The following ESR1 variants were observed in gnomAD, a reference collection of about 807,000 sequenced individuals.
The protein encoded by ESR1 is estrogen receptor 1.
A neutral mutation model predicts 52.7 loss-of-function variants in ESR1; 12 were observed. That is an observed-to-expected ratio of 0.23 (90% confidence interval 0.15 to 0.37). ESR1 has a LOEUF of 0.37. ESR1 is among the 10% of genes least tolerant of loss of function. ESR1 has a pLI of 1.00. For synonymous variants in ESR1, 305 were observed against 316.8 expected (o/e 0.96, Z 0.39); for missense variants, 584 against 779.7 (o/e 0.75, Z 2.99).
intron 1 of ESR1, among the ~76,000 whole-genome samples, chr6:151,669,147 G>GGAGAGAGAGAGAGAGAGAGGGAGAGGAGA (rs1777934531): frequency 1.4e-5 from 1 of 69,272 alleles, no homozygotes; most frequent in African/African-American, 8.4e-5. Flanking sequence ...TTGGGAGCTG[G>GGAGAGAGAGAGAGAGAGAGGGAGAGGAGA]GAGAGAGAGA....
At chr6:151,998,287 A>G (rs1281224640) in intron 4 of ESR1, among the ~76,000 whole-genome samples, 1 of 152,168 alleles carries the variant, frequency 6.6e-6, no homozygotes, top group Admixed American at 6.5e-5. Context: ...CAATTTACAC[A>G]TAGCCTCAAA....
In ESR1 at chr6:151,824,008, A is replaced by G. The variant is rs569363300; in HGVS notation, c.452+15644A>G. Among the ~76,000 whole-genome samples the G allele has an allele frequency of 2.6e-5, 4 of 152,212 alleles. No homozygotes were observed. The East Asian group carries it at 5.8e-4, about 22-fold the overall frequency. ...ACCCAGTAATGGGATGGCTGGGTCAAATGGTATTTCTAGTTCTAGATCCCT... is the reference window on the plus strand; with the variant it reads ...ACCCAGTAATGGGATGGCTGGGTCAGATGGTATTTCTAGTTCTAGATCCCT... On this transcript the variant is annotated intron_variant, in intron 1 of 7. Transcript: ENST00000206249.
At chr6:151,922,900 T>A (rs1368002126) in intron 3 of ESR1, among the ~76,000 whole-genome samples, 1 of 152,222 alleles carries the variant, frequency 6.6e-6, no homozygotes, top group Non-Finnish European at 1.5e-5. Context: ...CCTGAGTACC[T>A]ACTGATGTCT....
chr6:151,921,947 T>C (rs1263342886), intron 3 of ESR1, among the ~76,000 whole-genome samples: 1 of 152,212 alleles, frequency 6.6e-6, no homozygotes, highest in African/African-American at 2.4e-5. Context: ...TTTAATTAGA[T>C]CCCATTTGTC....
At chr6:151,703,980 A>G (rs940593016) in intron 2 of ESR1, among the ~76,000 whole-genome samples, 1 of 152,180 alleles carries the variant, frequency 6.6e-6, no homozygotes, top group African/African-American at 2.4e-5. Flanking sequence ...CACCAGAATA[A>G]TTCTCCTCCA....
Position 151,827,373 on chromosome 6 carries a change from G to GA in ESR1, c.453-15215dup, listed in dbSNP as rs917894160. ...AAAAAAAAAAAAGAAAAAGAAAAAA[G>GA]AAAAAAAAAGAAGTTGGAGGTGAGT... On this transcript the variant is annotated intron_variant, in intron 1 of 7. Transcript: ENST00000206249. Among the ~76,000 whole-genome samples, 13 of 148,218 alleles carry GA rather than the reference G, an allele frequency of 8.8e-5. No homozygotes were observed. The East Asian group carries it at 1.8e-3, about 20-fold the overall frequency.
intron 1 of ESR1, among the ~76,000 whole-genome samples, chr6:151,668,219 G>C (rs1057295681): frequency 2.6e-5 from 4 of 152,182 alleles, no homozygotes; most frequent in African/African-American, 9.7e-5. Flanking sequence ...TGCCTCCAGA[G>C]GACAGGAACA....
chr6:152,060,929 T>C, intron 5 of ESR1, 62 bp from the exon 6 acceptor site: 24 of 1,368,730 alleles, frequency 1.8e-5, no homozygotes, highest in Non-Finnish European at 2.4e-5. Flanking sequence ...TCATGTCTTG[T>C]GGAAGATTTT....
intron 2 of ESR1, among the ~76,000 whole-genome samples, chr6:151,747,294 A>G (rs529863996): frequency 6.6e-6 from 1 of 152,230 alleles, no homozygotes; most frequent in Non-Finnish European, 1.5e-5. Context: ...TGACTGGAAT[A>G]GTTTCTAATG....
chr6:151,925,124 T>TTTTTTTGGTTTG (rs1554285734), intron 3 of ESR1, among the ~76,000 whole-genome samples: 1 of 150,704 alleles, frequency 6.6e-6, no homozygotes, highest in Non-Finnish European at 1.5e-5. Flanking sequence ...CAGCATCTGG[T>TTTTTTTGGTTTG]TTTTTTTGTT....
chr6:152,091,282 G>C (rs1482266104), intron 6 of ESR1, among the ~76,000 whole-genome samples: 3 of 152,236 alleles, frequency 2.0e-5, no homozygotes, highest in Non-Finnish European at 2.9e-5. Context: ...AAAGAAGATG[G>C]CTGCTGTTGT....
At chr6:151,802,846 C>T (rs1024407344), upstream of ESR1, among the ~76,000 whole-genome samples, 3 of 152,026 alleles carry the variant, frequency 2.0e-5, no homozygotes, top group Non-Finnish European at 4.4e-5. Context: ...AAAAAATTAG[C>T]TGGGTGTGGT....
chr6:151,746,352 C>T (rs912623531), intron 2 of ESR1, among the ~76,000 whole-genome samples: 2 of 152,194 alleles, frequency 1.3e-5, no homozygotes, highest in Admixed American at 1.3e-4. Context: ...TTAGACATAG[C>T]TCACGAAGAA....
chr6:151,851,446 T>C (rs970409328), intron 2 of ESR1, among the ~76,000 whole-genome samples: 4 of 151,716 alleles, frequency 2.6e-5, no homozygotes, highest in African/African-American at 9.7e-5. Flanking sequence ...AATAAAAGAA[T>C]AAATGGAAAT....
At position 151,812,514 on chromosome 6, in the gene ESR1, A is replaced by G. The variant is rs568841085; in HGVS notation, c.452+4150A>G. On this transcript the variant is annotated intron_variant, in intron 1 of 7. Coordinates refer to ENST00000206249, the MANE Select transcript of ESR1 (RefSeq NM_000125.4). ...ATTAAAGAAAGTCAAAACCCTGATTATGTGTAAACAATTTTACATAAGGAA... is the reference window on the plus strand; with the variant it reads ...ATTAAAGAAAGTCAAAACCCTGATTGTGTGTAAACAATTTTACATAAGGAA... Among the ~76,000 whole-genome samples the G allele has an allele frequency of 3.9e-5, 6 of 152,298 alleles. No homozygotes were observed. The South Asian group carries it at 1.2e-3, about 32-fold the overall frequency.
At chr6:152,075,009 T>C (rs957268227) in intron 6 of ESR1, among the ~76,000 whole-genome samples, 1 of 152,228 alleles carries the variant, frequency 6.6e-6, no homozygotes, top group African/African-American at 2.4e-5. Flanking sequence ...AGGTATGTCT[T>C]TTGCAAATAT....
At chr6:152,008,896 T>C (rs2042545108) in intron 4 of ESR1, among the ~76,000 whole-genome samples, 2 of 152,072 alleles carry the variant, frequency 1.3e-5, no homozygotes, top group Admixed American at 1.3e-4. Flanking sequence ...AATTATGAAA[T>C]TAAGAAATGA....
intron 4 of ESR1, among the ~76,000 whole-genome samples, chr6:151,969,068 C>T (rs752641766): frequency 7.9e-5 from 12 of 152,024 alleles, no homozygotes; most frequent in African/African-American, 1.5e-4. Flanking sequence ...CAGTTCTCTA[C>T]GCCGTTCTGA....
chr6:152,119,915 A>G (rs2051264369), intron 6 of ESR1, among the ~76,000 whole-genome samples: 1 of 152,220 alleles, frequency 6.6e-6, no homozygotes, highest in Non-Finnish European at 1.5e-5. Context: ...TGCACTCACC[A>G]GGGTTCCCTA....
Sources: gnomAD v4.1 joint callset for allele counts (sites outside exome capture counted in the v4.1 genomes callset) on GRCh38, gnomAD v4.1.1 for gene constraint, MANE v1.5 for transcripts, NCBI Gene and HGNC (gene_info 2026-07-23, HGNC 2026-07-21) for gene names.